Variants in MBNL2 observed in about 807,000 individuals in gnomAD.
The protein encoded by MBNL2 is muscleblind like splicing regulator 2, also known as muscleblind-like protein 2.
A neutral mutation model predicts 41.9 loss-of-function variants in MBNL2; 17 were observed. That is an observed-to-expected ratio of 0.41 (90% CI 0.28 to 0.61). MBNL2 has a LOEUF of 0.61. Among genes scored for constraint, MBNL2 ranks in the 20% least tolerant of loss-of-function variants. MBNL2 has a pLI of 0.35. For synonymous variants in MBNL2, 195 were observed against 182.9 expected (o/e 1.07, Z -0.53); for missense variants, 336 against 505.6 (o/e 0.66, Z 3.22).
At chr13:97,320,251 C>A (rs967070851) in intron 2 of MBNL2, among the ~76,000 whole-genome samples, 1 of 147,970 alleles carries the variant, frequency 6.8e-6, no homozygotes, top group African/African-American at 2.5e-5. Flanking sequence ...AGAAGATTCT[C>A]TGGAAGGGTC....
chr13:97,192,661 T>G, the MBNL2 span, among the ~76,000 whole-genome samples: 124 of 152,324 alleles, frequency 8.1e-4, no homozygotes, highest in Admixed American at 3.3e-3. Flanking sequence ...GAAAAGAGCC[T>G]TTAGACACCA....
At chr13:97,163,659 A>G in the MBNL2 span, among the ~76,000 whole-genome samples, 29 of 152,154 alleles carry the variant, frequency 1.9e-4, no homozygotes, top group African/African-American at 6.8e-4. Flanking sequence ...AACTTTATAC[A>G]AAAGCACCTG....
intron 2 of MBNL2, among the ~76,000 whole-genome samples, chr13:97,293,665 ATT>A (rs2056554939): frequency 6.6e-6 from 1 of 152,128 alleles, no homozygotes; most frequent in Non-Finnish European, 1.5e-5. Context: ...ATTTCTAACA[ATT>A]TTTGCATTTC....
intron 1 of MBNL2, among the ~76,000 whole-genome samples, chr13:97,231,458 G>A (rs1252914575): frequency 2.6e-5 from 4 of 152,200 alleles, no homozygotes; most frequent in Non-Finnish European, 5.9e-5. Context: ...GCAGATCACT[G>A]GGTCTGGGAT....
At chr13:97,368,347 G>A (rs954164317) in intron 8 of MBNL2, among the ~76,000 whole-genome samples, 7 of 151,758 alleles carry the variant, frequency 4.6e-5, no homozygotes, top group Non-Finnish European at 7.4e-5. Context: ...TGGGGAGGTC[G>A]AGGCTGCAGT....
chr13:97,178,321 C>T, the MBNL2 span, among the ~76,000 whole-genome samples: 5 of 151,972 alleles, frequency 3.3e-5, no homozygotes, highest in Admixed American at 6.6e-5. Context: ...TTCTATGAGA[C>T]AGTATGTGGA....
intron 2 of MBNL2, among the ~76,000 whole-genome samples, chr13:97,288,927 C>T (rs2055223865): frequency 6.6e-6 from 1 of 152,154 alleles, no homozygotes; most frequent in Non-Finnish European, 1.5e-5. Context: ...ACTGATGAGA[C>T]CATTTTCTTA....
At chr13:97,338,163 A>C (rs909592024) in intron 3 of MBNL2, among the ~76,000 whole-genome samples, 3 of 152,062 alleles carry the variant, frequency 2.0e-5, no homozygotes, top group Non-Finnish European at 4.4e-5. Flanking sequence ...ATCATGACCT[A>C]TGGCTTCTGT....
intron 8 of MBNL2, among the ~76,000 whole-genome samples, chr13:97,375,729 T>C (rs2064904854): frequency 6.6e-6 from 1 of 152,204 alleles, no homozygotes; most frequent in South Asian, 2.1e-4. Context: ...AGTCAATGCT[T>C]TTCCCCTTGT....
At chr13:97,320,727 A>G (rs1434336999) in intron 2 of MBNL2, among the ~76,000 whole-genome samples, 1 of 151,914 alleles carries the variant, frequency 6.6e-6, no homozygotes, top group Non-Finnish European at 1.5e-5. Flanking sequence ...CAGCCTGGCC[A>G]ACATGGTAAA....
intron 2 of MBNL2, among the ~76,000 whole-genome samples, chr13:97,332,793 T>C (rs547888867): frequency 6.6e-6 from 1 of 152,354 alleles, no homozygotes; most frequent in Admixed American, 6.5e-5. Flanking sequence ...CCCATTGTTA[T>C]AGACTCTTAT....
At chr13:97,298,072 G>GA (rs2057248493) in intron 2 of MBNL2, among the ~76,000 whole-genome samples, 2 of 152,052 alleles carry the variant, frequency 1.3e-5, no homozygotes, top group African/African-American at 4.8e-5. Context: ...GACCTCTTCA[G>GA]TATATTAGAT....
chr13:97,279,863 T>TTATATA (rs2052996581), intron 2 of MBNL2, among the ~76,000 whole-genome samples: 1 of 152,238 alleles, frequency 6.6e-6, no homozygotes, highest in Non-Finnish European at 1.5e-5. Context: ...ATAAATGCAT[T>TTATATA]TGTAGAAGAC....
intron 5 of MBNL2, among the ~76,000 whole-genome samples, chr13:97,351,580 C>G (rs1363368620): frequency 6.6e-6 from 1 of 152,198 alleles, no homozygotes; most frequent in Non-Finnish European, 1.5e-5. Context: ...TCCATCAGCC[C>G]TTGCTGCTCA....
chr13:97,286,167 A>G (rs139325128), intron 2 of MBNL2, among the ~76,000 whole-genome samples: 10 of 152,350 alleles, frequency 6.6e-5, no homozygotes, highest in African/African-American at 2.4e-4. Flanking sequence ...CTTACCTGAC[A>G]TATCTACTTG....
upstream of MBNL2, among the ~76,000 whole-genome samples, chr13:97,220,650 ATG>A (rs1378969290): frequency 6.6e-6 from 1 of 152,102 alleles, no homozygotes; most frequent in African/African-American, 2.4e-5. Flanking sequence ...GAGCTTGAAG[ATG>A]AGGAGGCCTG....
At chr13:97,243,666 TA>T (rs1049151135) in intron 1 of MBNL2, among the ~76,000 whole-genome samples, 3 of 152,232 alleles carry the variant, frequency 2.0e-5, no homozygotes, top group Non-Finnish European at 4.4e-5. Context: ...AAGCTAAAAC[TA>T]ATAGACAATT....
chr13:97,362,697 T>A (rs1175473525), intron 7 of MBNL2, among the ~76,000 whole-genome samples: 1 of 151,922 alleles, frequency 6.6e-6, no homozygotes. Context: ...CAGGCCTGCA[T>A]TTGGAAAGAT....
At chr13:97,275,007 A>G (rs533060712) in intron 1 of MBNL2, among the ~76,000 whole-genome samples, 1 of 152,344 alleles carries the variant, frequency 6.6e-6, no homozygotes, top group African/African-American at 2.4e-5. Context: ...AGGCACTGGG[A>G]ATACAGAAAT....
Sources: gnomAD v4.1 joint callset for allele counts (sites outside exome capture counted in the v4.1 genomes callset) on GRCh38, gnomAD v4.1.1 for gene constraint, MANE v1.5 for transcripts, NCBI Gene and HGNC (gene_info 2026-07-23, HGNC 2026-07-21) for gene names.